EFNA5: variants seen among roughly 807,000 people sequenced by gnomAD.
The protein encoded by EFNA5 is ephrin-A5.
A neutral mutation model predicts 22.9 loss-of-function variants in EFNA5; 5 were observed. That is an observed-to-expected ratio of 0.22 (90% CI 0.11 to 0.46). The LOEUF is 0.46. EFNA5 is among the 20% of genes least tolerant of loss of function. The pLI is 0.99. For missense variants in EFNA5, 237 were observed against 293.3 expected (o/e 0.81, Z 1.40); for synonymous variants, 113 against 112.2 (o/e 1.01, Z -0.04).
chr5:107,449,532 C>T (rs1358373629), intron 1 of EFNA5, among the ~76,000 whole-genome samples: 1 of 147,170 alleles, frequency 6.8e-6, no homozygotes, highest in African/African-American at 2.5e-5. Flanking sequence ...ACTACACCTG[C>T]TCTGAACCCT....
At chr5:107,473,923 T>A (rs895309590) in intron 1 of EFNA5, among the ~76,000 whole-genome samples, 17 of 152,074 alleles carry the variant, frequency 1.1e-4, no homozygotes, top group Admixed American at 8.5e-4. Context: ...CCTCCCAAAG[T>A]GCTGGGATTA....
intron 1 of EFNA5, among the ~76,000 whole-genome samples, chr5:107,634,157 T>G (rs1294699071): frequency 2.6e-5 from 4 of 152,208 alleles, no homozygotes; most frequent in Non-Finnish European, 5.9e-5. Context: ...AAATGACACC[T>G]CACCATTTCT....
chr5:107,656,923 T>C (rs1750837587), intron 1 of EFNA5, among the ~76,000 whole-genome samples: 1 of 152,114 alleles, frequency 6.6e-6, no homozygotes, highest in Non-Finnish European at 1.5e-5. Flanking sequence ...AATATCTTAC[T>C]TTCTGAGTCC....
chr5:107,591,627 C>T (rs988080771), intron 1 of EFNA5, among the ~76,000 whole-genome samples: 1 of 150,436 alleles, frequency 6.6e-6, no homozygotes, highest in South Asian at 2.1e-4. Flanking sequence ...TCGAGACCAG[C>T]CTGGCCAACA....
In EFNA5 at chr5:107,421,798, T is replaced by TTA. The variant is rs1554058013; in HGVS notation, c.418+5418_418+5419insTA. Among the ~76,000 whole-genome samples, 128 of 147,594 alleles carry TTA rather than the reference T, an allele frequency of 8.7e-4. 1 individual carries two copies. Among genetic ancestry groups the TTA allele is most frequent in the African/African-American group, 3.0e-3 (123 of 40,630 alleles). On this transcript the variant is annotated intron_variant, in intron 2 of 4. Transcript: ENST00000333274. ...TTTATCTCCTCATTTCTTTCTTTCT[T>TTA]TTTTTTTTTTTAGACAGAGTTTCGC...
chr5:107,396,314 A>G (rs1347477437), intron 2 of EFNA5, among the ~76,000 whole-genome samples: 1 of 152,162 alleles, frequency 6.6e-6, no homozygotes, highest in East Asian at 1.9e-4. Context: ...CCTACGCCTC[A>G]GTTTTCTCAT....
At chr5:107,389,682 T>C (rs1040017567) in intron 2 of EFNA5, among the ~76,000 whole-genome samples, 1 of 152,212 alleles carries the variant, frequency 6.6e-6, no homozygotes, top group African/African-American at 2.4e-5. Flanking sequence ...ATGAAAATTA[T>C]TGTAGGGCAC....
At chr5:107,526,823 C>T (rs77284462) in intron 1 of EFNA5, among the ~76,000 whole-genome samples, 4,248 of 152,114 alleles carry the variant, frequency 0.028, 90 homozygotes, top group Non-Finnish European at 0.045. Flanking sequence ...CTACTTTCTT[C>T]AATATAGTAA....
rs1580585927 is a variant in EFNA5, at chr5:107,657,440, T to C, written c.125+13049A>G. Among the ~76,000 whole-genome samples the C allele has an allele frequency of 2.0e-5, 3 of 152,232 alleles. 1 individual carries two copies. The highest frequency in any genetic ancestry group is 4.4e-5 in the Non-Finnish European group (3 of 67,992). ...CCCCAAATTCACTGTTTGAGAACCC[T>C]CGTTTACACCACAGTGAACATAAAC... is the stretch of plus-strand genomic sequence containing the variant. On this transcript the variant is annotated intron_variant, in intron 1 of 4. Transcript: ENST00000333274.
chr5:107,486,789 G>C (rs898687793), intron 1 of EFNA5, among the ~76,000 whole-genome samples: 1 of 152,162 alleles, frequency 6.6e-6, no homozygotes, highest in Non-Finnish European at 1.5e-5. Flanking sequence ...CTGAGATCCT[G>C]GGGCTGTTTG....
intron 2 of EFNA5, among the ~76,000 whole-genome samples, chr5:107,410,895 T>C (rs1300963059): frequency 6.6e-6 from 1 of 152,202 alleles, no homozygotes; most frequent in Non-Finnish European, 1.5e-5. Flanking sequence ...TTATATTCTG[T>C]TGATGCCAAT....
chr5:107,486,012 T>C (rs911244133), intron 1 of EFNA5, among the ~76,000 whole-genome samples: 10 of 152,268 alleles, frequency 6.6e-5, no homozygotes, highest in Middle Eastern at 3.4e-3. Flanking sequence ...GCCAAGACAA[T>C]GTCATGTTGA....
chr5:107,472,719 G>A (rs1293845167), intron 1 of EFNA5, among the ~76,000 whole-genome samples: 1 of 152,226 alleles, frequency 6.6e-6, no homozygotes, highest in African/African-American at 2.4e-5. Context: ...GACATCTGCA[G>A]CACAGAGATC....
At chr5:107,612,944 T>C (rs1274114306) in intron 1 of EFNA5, among the ~76,000 whole-genome samples, 1 of 152,124 alleles carries the variant, frequency 6.6e-6, no homozygotes, top group Non-Finnish European at 1.5e-5. Flanking sequence ...AAATAAATAG[T>C]TTCCAAATAA....
intron 1 of EFNA5, among the ~76,000 whole-genome samples, chr5:107,504,111 G>C (rs994185165): frequency 4.6e-5 from 7 of 152,034 alleles, no homozygotes; most frequent in African/African-American, 1.7e-4. Flanking sequence ...CGAGCATTTT[G>C]TTGTAAGGAA....
At chr5:107,454,249 C>T (rs1580461910) in intron 1 of EFNA5, among the ~76,000 whole-genome samples, 2 of 152,148 alleles carry the variant, frequency 1.3e-5, no homozygotes, top group South Asian at 2.1e-4. Context: ...CTTTAAAATA[C>T]TTTATATTAA....
At chr5:107,666,999 G>C (rs1447283272) in intron 1 of EFNA5, among the ~76,000 whole-genome samples, 1 of 151,948 alleles carries the variant, frequency 6.6e-6, no homozygotes, top group Admixed American at 6.6e-5. Flanking sequence ...AGAAATTAAG[G>C]ACAAATAGTT....
At chr5:107,551,737 G>T (rs1336249635) in intron 1 of EFNA5, among the ~76,000 whole-genome samples, 1 of 152,006 alleles carries the variant, frequency 6.6e-6, no homozygotes, top group Non-Finnish European at 1.5e-5. Context: ...TTGCAGTATC[G>T]ATTCATTCCG....
chr5:107,420,541 GA>G (rs796180925), intron 2 of EFNA5, among the ~76,000 whole-genome samples: 6,556 of 114,644 alleles, frequency 0.057, 489 homozygotes, highest in African/African-American at 0.19. Flanking sequence ...AAAAAAAAAA[GA>G]AAAAAAAAAA....
Sources: allele counts gnomAD v4.1 joint callset (sites outside exome capture counted in the v4.1 genomes callset), GRCh38; gene constraint gnomAD v4.1.1; transcripts MANE v1.5; gene names NCBI Gene and HGNC (gene_info 2026-07-23, HGNC 2026-07-21).